Variants in TIFA observed in about 807,000 individuals in gnomAD.
TIFA encodes the protein TRAF-interacting protein with FHA domain-containing protein A.
For missense variants in TIFA, 186 were observed against 215.2 expected, an observed-to-expected ratio of 0.86 and a Z score of 0.85; for synonymous variants, 75 against 79.2, an observed-to-expected ratio of 0.95 and a Z score of 0.28.
In TIFA at chr4:112,277,822, C is replaced by T. The variant is rs1320705930; in HGVS notation, c.*40G>A. ...TAGTGTCTATACAGCATCTACAGAG[C>T]TCTTCATCCATCATATTTCTCCTCT... On this transcript the variant is annotated 3_prime_UTR_variant, in exon 2 of 2. Transcript: ENST00000361717. 7 of 1,532,384 alleles carry T rather than the reference C, an allele frequency of 4.6e-6. No homozygotes were observed. In the South Asian group the frequency reaches 9.1e-5, roughly 20 times the overall value. 94.9% of individuals were successfully genotyped at this position (1,532,384 alleles called of 1,614,324 possible).
In TIFA at chr4:112,278,050, G is replaced by T. The variant is rs1333707674; in HGVS notation, c.367C>A (p.Gln123Lys). ...YRCMVRFGEY[Q>K]FLMEKEDGES... is the part of the protein sequence containing the mutation. The stretch of plus-strand genomic sequence containing the variant: ...CCATCTTCCTTCTCCATCAGAAACT[G>T]ATACTCTCCGAATCTGACCATGCAC... Residue 123 changes from glutamine (Q) to lysine (K), a missense_variant, in exon 2 of 2, where the codon CAG becomes AAG. Coordinates refer to ENST00000361717, the MANE Select transcript of TIFA (RefSeq NM_052864.3). 2 of 1,613,810 alleles carry T rather than the reference G, an allele frequency of 1.2e-6. No individual in the cohort carries two copies. Among genetic ancestry groups the T allele is most frequent in the African/African-American group, 2.7e-5 (2 of 74,888 alleles).
At position 112,276,090 on chromosome 4, in the gene TIFA, A is replaced by C. The variant is rs970253368; in HGVS notation, c.*1772T>G. The C allele has an allele frequency of 3.3e-5, 5 of 152,266 alleles. No homozygotes were observed. Among genetic ancestry groups the C allele is most frequent in the Non-Finnish European group, 7.3e-5 (5 of 68,036 alleles). 9.4% of individuals were successfully genotyped at this position (152,266 alleles called of 1,614,324 possible). A position where few individuals can be genotyped will look rare whatever the true frequency, so the allele number is the denominator to read the frequency against. The stretch of plus-strand genomic sequence containing the variant: ...TACTGTGATTTAGTGGCTTACGACC[A>C]ACACAAATTTATCATCATAAAGTTT... On this transcript the variant is annotated 3_prime_UTR_variant, in exon 2 of 2. Transcript: ENST00000361717.
chr4:112,282,458 C>A (rs1727244652), intron 1 of TIFA, among the ~76,000 whole-genome samples: 4 of 152,306 alleles, frequency 2.6e-5, no homozygotes, highest in African/African-American at 9.6e-5. Context: ...TAATTATTTT[C>A]TCTTTTCCCT....
chr4:112,278,903 A>G (rs1727173722), intron 1 of TIFA, among the ~76,000 whole-genome samples: 1 of 152,222 alleles, frequency 6.6e-6, no homozygotes, highest in South Asian at 2.1e-4. Context: ...TTATAATTAA[A>G]TATATTATGA....
At chr4:112,278,891 G>T (rs1366734001) in intron 1 of TIFA, among the ~76,000 whole-genome samples, 1 of 152,070 alleles carries the variant, frequency 6.6e-6, no homozygotes, top group Non-Finnish European at 1.5e-5. Flanking sequence ...TTATTAACTG[G>T]ATTATAATTA....
chr4:112,282,409 C>A (rs977276854), intron 1 of TIFA, among the ~76,000 whole-genome samples: 7 of 152,172 alleles, frequency 4.6e-5, no homozygotes, highest in Non-Finnish European at 5.9e-5. Flanking sequence ...ACACTGTAAC[C>A]AAGTACCTCC....
chr4:112,280,834 C>T (rs1314732480), intron 1 of TIFA, among the ~76,000 whole-genome samples: 1 of 151,998 alleles, frequency 6.6e-6, no homozygotes, highest in African/African-American at 2.4e-5. Flanking sequence ...ATTATTGCAT[C>T]ATATTGCTCT....
chr4:112,284,595 T>C (rs374498188), intron 1 of TIFA, among the ~76,000 whole-genome samples: 5 of 152,156 alleles, frequency 3.3e-5, no homozygotes, highest in South Asian at 4.1e-4. Context: ...TTTACTTTCA[T>C]TTCCCCCCAA....
chr4:112,282,156 C>T (rs1727239877), intron 1 of TIFA, among the ~76,000 whole-genome samples: 1 of 152,168 alleles, frequency 6.6e-6, no homozygotes, highest in Non-Finnish European at 1.5e-5. Flanking sequence ...CATGCACAGG[C>T]TCTCTCTTTG....
rs1417268728 is a variant in TIFA at position 112,275,599 on chromosome 4, C to T, written c.*2263G>A. 1 of 152,148 alleles carries T rather than the reference C, an allele frequency of 6.6e-6. No homozygotes were observed. The highest frequency in any genetic ancestry group is 1.5e-5 in the Non-Finnish European group (1 of 68,036). The allele number at this position is 152,148 out of a possible 1,614,324, so 9.4% of individuals were successfully genotyped here. On this transcript the variant is annotated 3_prime_UTR_variant, in exon 2 of 2. Coordinates refer to ENST00000361717, the MANE Select transcript of TIFA (RefSeq NM_052864.3). ...TAAACTTTTAGCAACCCACTCTCTC[C>T]TTTGCCAATCTTTGAAGAAAAGAAA...
At chr4:112,279,180 A>G (rs926433652) in intron 1 of TIFA, among the ~76,000 whole-genome samples, 1 of 152,224 alleles carries the variant, frequency 6.6e-6, no homozygotes, top group African/African-American at 2.4e-5. Context: ...GGATGGACAA[A>G]CTGTCATTAA....
intron 1 of TIFA, among the ~76,000 whole-genome samples, chr4:112,281,252 C>G (rs1578432338): frequency 1.3e-5 from 2 of 152,174 alleles, no homozygotes; most frequent in African/African-American, 2.4e-5. Context: ...TATTAAAAAC[C>G]ATGGTGTATT....
In TIFA at chr4:112,278,313, C is replaced by T. The variant is rs1727160847; in HGVS notation, c.104G>A (p.Ser35Asn). Residue 35 changes from serine (S) to asparagine (N), a missense_variant, in exon 2 of 2, where the codon AGT (serine) becomes AAT (asparagine). Ser to Asn is a conservative substitution (Grantham distance 46). Transcript: ENST00000361717. ...GGAAGGGAGTTTCTCTCTGTTAAAA[C>T]TTATTGACTGAAATATTCCACACTG... ...QLQCGIFQSI[S>N]FNREKLPSSE... 6.2e-7 allele frequency: 1 copy of T among 1,614,022 alleles called. No individual in the cohort carries two copies. Among genetic ancestry groups the T allele is most frequent in the Middle Eastern group, 1.7e-4 (1 of 6,060 alleles).
chr4:112,283,994 T>C (rs150295049), intron 1 of TIFA, among the ~76,000 whole-genome samples: 1 of 152,224 alleles, frequency 6.6e-6, no homozygotes, highest in East Asian at 1.9e-4. Context: ...AACAATAATA[T>C]CTGTGTTAAC....
In TIFA at chr4:112,277,869, T is replaced by C; in HGVS notation, c.548A>G (p.Glu183Gly). 6.3e-7 allele frequency: 1 copy of C among 1,592,872 alleles called. No homozygotes were observed. Among genetic ancestry groups the C allele is most frequent in the Non-Finnish European group, 8.5e-7 (1 of 1,171,096 alleles). Residue 183 changes from glutamate (E) to glycine (G), a missense_variant, in exon 2 of 2, where the codon GAG (glutamate) becomes GGG (glycine). Coordinates refer to ENST00000361717, the MANE Select transcript of TIFA (RefSeq NM_052864.3). ...CTCTTAGACTTTCTGTGTTCATGACTCATTTTCATCCATTTCTGTCGGAGA... is the reference window on the plus strand; with the variant it reads ...CTCTTAGACTTTCTGTGTTCATGACCCATTTTCATCCATTTCTGTCGGAGA... ...SSSPTEMDEN[E>G]S
chr4:112,279,621 T>A (rs1227459779), intron 1 of TIFA, among the ~76,000 whole-genome samples: 2 of 151,896 alleles, frequency 1.3e-5, no homozygotes, highest in African/African-American at 4.8e-5. Context: ...GAGAAAAAAA[T>A]TTCTTACACA....
intron 1 of TIFA, among the ~76,000 whole-genome samples, chr4:112,283,509 C>G (rs1366812638): frequency 2.0e-5 from 3 of 152,090 alleles, no homozygotes; most frequent in African/African-American, 7.2e-5. Context: ...CCACAGAGTC[C>G]CTCTACAAAG....
rs1376307169 is a variant in TIFA at position 112,275,574 on chromosome 4, T to C, written c.*2288A>G. 1.3e-5 allele frequency: 2 copies of C among 152,194 alleles called. No homozygotes were observed. Among genetic ancestry groups the C allele is most frequent in the African/African-American group, 2.4e-5 (1 of 41,452 alleles). 9.4% of individuals were successfully genotyped at this position (152,194 alleles called of 1,614,324 possible). ...TGTTTCTATTCTTTGGAGAACAATA[T>C]AAACTTTTAGCAACCCACTCTCTCC... On this transcript the variant is annotated 3_prime_UTR_variant, in exon 2 of 2. Coordinates refer to ENST00000361717, the MANE Select transcript of TIFA (RefSeq NM_052864.3).
rs1727092067 is a variant in TIFA, at chr4:112,275,426, G to C, written c.*2436C>G. 1 of 152,126 alleles carries C rather than the reference G, an allele frequency of 6.6e-6. No homozygotes were observed. The highest frequency in any genetic ancestry group is 2.1e-4 in the South Asian group (1 of 4,824). 9.4% of individuals were successfully genotyped at this position (152,126 alleles called of 1,614,324 possible). On this transcript the variant is annotated 3_prime_UTR_variant, in exon 2 of 2. Coordinates refer to ENST00000361717, the MANE Select transcript of TIFA (RefSeq NM_052864.3). The stretch of plus-strand genomic sequence containing the variant: ...AGCTTTCCTCTAACAACCCCGCTTT[G>C]GGGTTGGGTAGCTCAGGCAGAGATG...
Sources: allele counts gnomAD v4.1 joint callset (sites outside exome capture counted in the v4.1 genomes callset), GRCh38; gene constraint gnomAD v4.1.1; transcripts MANE v1.5; gene names NCBI Gene and HGNC (gene_info 2026-07-23, HGNC 2026-07-21).